Variants in DCAF8L2 observed in about 807,000 individuals in gnomAD.
DCAF8L2 encodes the protein DDB1- and CUL4-associated factor 8-like protein 2.
For missense variants in DCAF8L2, 430 were observed against 490.7 expected, an observed-to-expected ratio of 0.88 and a Z score of 1.17; for synonymous variants, 200 against 190.9, an observed-to-expected ratio of 1.05 and a Z score of -0.39.
chrX:27,697,735 G>A (rs1044000282), intron 3 of DCAF8L2, among the ~76,000 whole-genome samples: 2 of 110,966 alleles, frequency 1.8e-5, no homozygotes, highest in Non-Finnish European at 3.8e-5. Flanking sequence ...AGACTAGAAT[G>A]AATCATTGTC....
chrX:27,483,398 G>A, the DCAF8L2 span, among the ~76,000 whole-genome samples: 1 of 111,918 alleles, frequency 8.9e-6, no homozygotes, highest in Non-Finnish European at 1.9e-5. Context: ...GTAAAATACT[G>A]TATAATTTGT....
rs1462150737 is a variant in DCAF8L2, at chrX:27,616,368, T to C, written c.-341-15511T>C. Among the ~76,000 whole-genome samples, 3 of 110,919 alleles carry C rather than the reference T, an allele frequency of 2.7e-5. No individual in the cohort carries two copies. In the East Asian group the frequency reaches 8.5e-4, roughly 31 times the overall value. Reference sequence around the variant, plus strand: ...TCGACCATCAGTCATAATGTTATTATAATAAAAAAATCAATTACCTGAAAA... The same window carrying C: ...TCGACCATCAGTCATAATGTTATTACAATAAAAAAATCAATTACCTGAAAA... On this transcript the variant is annotated intron_variant, in intron 1 of 4. Transcript: ENST00000451261.
chrX:27,564,059 T>C, the DCAF8L2 span, among the ~76,000 whole-genome samples: 2 of 112,013 alleles, frequency 1.8e-5, no homozygotes, highest in African/African-American at 6.5e-5. Context: ...AACATATACC[T>C]GAGACTGGGT....
At chrX:27,678,897 G>T (rs1201177103) in intron 3 of DCAF8L2, among the ~76,000 whole-genome samples, 1 of 110,881 alleles carries the variant, frequency 9.0e-6, no homozygotes, top group South Asian at 3.8e-4. Flanking sequence ...AGAGTCCTAG[G>T]CTAAAGATGT....
At chrX:27,598,975 AT>A (rs142183155) in intron 1 of DCAF8L2, among the ~76,000 whole-genome samples, 23,912 of 76,803 alleles carry the variant, frequency 0.31, 3,373 homozygotes, top group South Asian at 0.48. Flanking sequence ...AAAAAAAAAA[AT>A]ATATATATAT....
chrX:27,514,381 T>G, the DCAF8L2 span, among the ~76,000 whole-genome samples: 1 of 105,821 alleles, frequency 9.4e-6, no homozygotes, highest in African/African-American at 3.5e-5. Context: ...TAAAACAGAG[T>G]GAAATCGGCC....
intron 3 of DCAF8L2, among the ~76,000 whole-genome samples, chrX:27,706,599 A>G (rs1194749911): frequency 8.9e-6 from 1 of 112,066 alleles, no homozygotes; most frequent in Non-Finnish European, 1.9e-5. Context: ...CACACCCACT[A>G]GGATGGCTAT....
chrX:27,746,234 G>T (rs749724271), intron 4 of DCAF8L2, among the ~76,000 whole-genome samples: 5 of 112,084 alleles, frequency 4.5e-5, no homozygotes, highest in Non-Finnish European at 9.4e-5. Flanking sequence ...TGTAACATTT[G>T]AGATCTACTC....
the DCAF8L2 span, among the ~76,000 whole-genome samples, chrX:27,544,790 A>G: frequency 1.8e-5 from 2 of 111,953 alleles, no homozygotes; most frequent in Non-Finnish European, 3.8e-5. Flanking sequence ...GAAAACATCA[A>G]CTGAAACTGA....
At chrX:27,658,501 G>GT (rs1360574334) in intron 2 of DCAF8L2, among the ~76,000 whole-genome samples, 1 of 111,793 alleles carries the variant, frequency 8.9e-6, no homozygotes, top group Non-Finnish European at 1.9e-5. Context: ...ACACTGTTAT[G>GT]TTTTTTAAGA....
intron 1 of DCAF8L2, among the ~76,000 whole-genome samples, chrX:27,603,939 A>C (rs1926763515): frequency 8.9e-6 from 1 of 111,786 alleles, no homozygotes; most frequent in African/African-American, 3.2e-5. Context: ...ATTGGCACTC[A>C]TATCTTTTCA....
chrX:27,643,399 T>C (rs1336857583), intron 2 of DCAF8L2, among the ~76,000 whole-genome samples: 1 of 100,791 alleles, frequency 9.9e-6, no homozygotes, highest in African/African-American at 3.9e-5. Flanking sequence ...TCTATGTATG[T>C]TTGTTGTAAA....
chrX:27,696,452 T>C (rs1310852750), intron 3 of DCAF8L2, among the ~76,000 whole-genome samples: 3 of 111,393 alleles, frequency 2.7e-5, no homozygotes, highest in Non-Finnish European at 3.8e-5. Flanking sequence ...TGTTCAGCTA[T>C]GTTTTTAATA....
At chrX:27,518,998 G>A in the DCAF8L2 span, 1 of 765,061 alleles carries the variant, frequency 1.3e-6, no homozygotes, top group Middle Eastern at 3.1e-4. Flanking sequence ...GGGGATTTTG[G>A]CCTTATGTAT....
chrX:27,749,373 A>G lies in DCAF8L2; in HGVS notation c.*582A>G, dbSNP rs1313597174. On this transcript the variant is annotated 3_prime_UTR_variant, in exon 5 of 5. Coordinates refer to ENST00000451261, the MANE Select transcript of DCAF8L2 (RefSeq NM_001353450.2). ...AGTAGTGTGTAGATTAATTCTTAAC[A>G]CTTGGCCATACGCAGACACAGTCTC... Among the ~76,000 whole-genome samples the G allele has an allele frequency of 9.0e-6, 1 of 111,515 alleles. No individual in the cohort carries two copies. Among genetic ancestry groups the G allele is most frequent in the Non-Finnish European group, 1.9e-5 (1 of 53,121 alleles).
chrX:27,684,932 T>A (rs774454129), intron 3 of DCAF8L2, among the ~76,000 whole-genome samples: 12 of 111,625 alleles, frequency 1.1e-4, no homozygotes, highest in East Asian at 5.7e-4. Context: ...CTTATATCTA[T>A]CTTTACATTT....
At chrX:27,479,462 A>G in the DCAF8L2 span, among the ~76,000 whole-genome samples, 1 of 111,643 alleles carries the variant, frequency 9.0e-6, no homozygotes, top group Non-Finnish European at 1.9e-5. Context: ...GTAATTCACT[A>G]TGGAGAAATA....
chrX:27,548,532 AG>A, the DCAF8L2 span, among the ~76,000 whole-genome samples: 1 of 111,669 alleles, frequency 9.0e-6, no homozygotes, highest in Non-Finnish European at 1.9e-5. Context: ...GCAAAGTGTG[AG>A]GGTGGCCATC....
intron 4 of DCAF8L2, among the ~76,000 whole-genome samples, chrX:27,722,020 A>C (rs1003941103): frequency 8.9e-6 from 1 of 111,796 alleles, no homozygotes; most frequent in African/African-American, 3.2e-5. Flanking sequence ...ATATATTAAA[A>C]TTATTTTCAT....
Sources: gnomAD v4.1 joint callset for allele counts (sites outside exome capture counted in the v4.1 genomes callset) on GRCh38, gnomAD v4.1.1 for gene constraint, MANE v1.5 for transcripts, NCBI Gene and HGNC (gene_info 2026-07-23, HGNC 2026-07-21) for gene names.